FSTL5: variants seen among roughly 807,000 people sequenced by gnomAD.
FSTL5 encodes follistatin like 5, also known as follistatin-related protein 5.
FSTL5 carries 62 observed loss-of-function variants against 89.1 expected under a neutral mutation model. The observed-to-expected ratio is 0.70, with a 90% CI of 0.57 to 0.86. The LOEUF (loss-of-function observed/expected upper bound fraction) is 0.86, where lower values mean the gene tolerates loss of function less well. Among genes scored for constraint, FSTL5 ranks in the 40% least tolerant of loss-of-function variants. The pLI is 0.00. For synonymous variants in FSTL5, 383 were observed against 346.2 expected (o/e 1.11, Z -1.18); for missense variants, 1,057 against 1,001.6 (o/e 1.06, Z -0.75).
At chr4:161,490,201 A>G (rs1729817280) in intron 12 of FSTL5, among the ~76,000 whole-genome samples, 1 of 152,226 alleles carries the variant, frequency 6.6e-6, no homozygotes, top group Non-Finnish European at 1.5e-5. Context: ...ATCGAAAACA[A>G]ACTTTTAAGG....
At chr4:162,157,250 T>A (rs1472408201) in intron 1 of FSTL5, among the ~76,000 whole-genome samples, 1 of 152,150 alleles carries the variant, frequency 6.6e-6, no homozygotes, top group Non-Finnish European at 1.5e-5. Flanking sequence ...ATGTAATTTT[T>A]AAATATTTAT....
At chr4:161,838,832 C>A (rs1187704039) in intron 4 of FSTL5, among the ~76,000 whole-genome samples, 1 of 152,066 alleles carries the variant, frequency 6.6e-6, no homozygotes, top group African/African-American at 2.4e-5. Context: ...CCATGTTGAG[C>A]TGTAAAACAA....
At chr4:161,746,141 A>ATT (rs559786048) in intron 6 of FSTL5, among the ~76,000 whole-genome samples, 4 of 148,394 alleles carry the variant, frequency 2.7e-5, no homozygotes, top group African/African-American at 9.9e-5. Flanking sequence ...AGATAGTGTG[A>ATT]TTTTTTTTTT....
chr4:161,982,976 C>T (rs1352240207), intron 3 of FSTL5, among the ~76,000 whole-genome samples: 1 of 152,108 alleles, frequency 6.6e-6, no homozygotes, highest in African/African-American at 2.4e-5. Context: ...TATTCAAATC[C>T]AACCCACATG....
At chr4:161,392,720 A>T (rs1395128884) in intron 15 of FSTL5, among the ~76,000 whole-genome samples, 2 of 152,118 alleles carry the variant, frequency 1.3e-5, no homozygotes, top group Non-Finnish European at 2.9e-5. Context: ...AGCTTCCCTA[A>T]AGTCACTCAT....
chr4:161,671,730 G>T (rs1327120827), intron 6 of FSTL5, among the ~76,000 whole-genome samples: 1 of 152,060 alleles, frequency 6.6e-6, no homozygotes, highest in Non-Finnish European at 1.5e-5. Context: ...GACACAGGAT[G>T]AATTTCTACA....
chr4:161,603,332 G>C (rs1050387335), intron 7 of FSTL5, among the ~76,000 whole-genome samples: 1 of 152,122 alleles, frequency 6.6e-6, no homozygotes, highest in African/African-American at 2.4e-5. Context: ...GTGTGCAATA[G>C]CATTACGTTT....
chr4:161,436,444 C>T (rs1314842502), intron 15 of FSTL5, among the ~76,000 whole-genome samples: 1 of 152,094 alleles, frequency 6.6e-6, no homozygotes, highest in Non-Finnish European at 1.5e-5. Flanking sequence ...CAAACTATCC[C>T]TGGACATTTT....
At chr4:161,927,744 A>G (rs952782512) in intron 3 of FSTL5, among the ~76,000 whole-genome samples, 9 of 151,784 alleles carry the variant, frequency 5.9e-5, no homozygotes, top group African/African-American at 1.9e-4. Context: ...GATTTTCCAA[A>G]TATATTAAGC....
chr4:161,546,911 A>T (rs1732026964), intron 8 of FSTL5, among the ~76,000 whole-genome samples: 1 of 151,970 alleles, frequency 6.6e-6, no homozygotes, highest in African/African-American at 2.4e-5. Flanking sequence ...CACTTTACAC[A>T]TGGGACCTGT....
In FSTL5 at chr4:162,073,318, G is replaced by T. The variant is rs544835364; in HGVS notation, c.126+37953C>A. 2.6e-5 allele frequency among the ~76,000 whole-genome samples: 4 copies of T among 151,612 alleles called. No homozygotes were observed. In the Admixed American group the frequency reaches 2.6e-4, roughly 10 times the overall value. On this transcript the variant is annotated intron_variant, in intron 2 of 15. Coordinates refer to ENST00000306100, the MANE Select transcript of FSTL5 (RefSeq NM_020116.5). ...TACTATTTTGATTTAAAAAATAACT[G>T]CTTTTAAATTGACTAGTTTAGGAAA...
At chr4:161,794,801 T>C (rs1729580561) in intron 4 of FSTL5, among the ~76,000 whole-genome samples, 1 of 152,132 alleles carries the variant, frequency 6.6e-6, no homozygotes, top group African/African-American at 2.4e-5. Context: ...TTGTACTCAA[T>C]TAAGTTTTAA....
chr4:162,080,331 T>C (rs965581645), intron 2 of FSTL5, among the ~76,000 whole-genome samples: 5 of 151,630 alleles, frequency 3.3e-5, no homozygotes, highest in Non-Finnish European at 7.4e-5. Context: ...CTGATATGAA[T>C]AATTAAGCCT....
chr4:161,708,037 G>T (rs1284220318), intron 6 of FSTL5, among the ~76,000 whole-genome samples: 1 of 151,978 alleles, frequency 6.6e-6, no homozygotes, highest in Non-Finnish European at 1.5e-5. Context: ...TCTACTGAGT[G>T]CATGTATTAC....
intron 15 of FSTL5, among the ~76,000 whole-genome samples, chr4:161,398,083 GAT>G (rs1299308612): frequency 6.6e-6 from 1 of 151,956 alleles, no homozygotes; most frequent in Non-Finnish European, 1.5e-5. Context: ...AGGTTTTCTG[GAT>G]AACGATTTGG....
chr4:161,899,514 T>C (rs984583234), intron 4 of FSTL5, among the ~76,000 whole-genome samples: 3 of 152,242 alleles, frequency 2.0e-5, no homozygotes, highest in African/African-American at 7.2e-5. Flanking sequence ...ACAGTTCTTC[T>C]GCCAATCTTA....
chr4:161,396,945 G>T (rs565569533), intron 15 of FSTL5, among the ~76,000 whole-genome samples: 7 of 152,108 alleles, frequency 4.6e-5, no homozygotes, highest in Non-Finnish European at 1.0e-4. Flanking sequence ...GAACTAGGGA[G>T]TATAATGAAT....
chr4:161,672,740 A>G (rs1446981057), intron 6 of FSTL5, among the ~76,000 whole-genome samples: 1 of 145,220 alleles, frequency 6.9e-6, no homozygotes, highest in Non-Finnish European at 1.5e-5. Flanking sequence ...AAAAAAAAAA[A>G]GTAAGGTGTT....
chr4:161,825,537 G>A (rs1039169869), intron 4 of FSTL5, among the ~76,000 whole-genome samples: 1 of 151,700 alleles, frequency 6.6e-6, no homozygotes, highest in Non-Finnish European at 1.5e-5. Context: ...TTTTTGGTTG[G>A]CATTTTTTAT....
Sources: allele counts gnomAD v4.1 joint callset (sites outside exome capture counted in the v4.1 genomes callset), GRCh38; gene constraint gnomAD v4.1.1; transcripts MANE v1.5; gene names NCBI Gene and HGNC (gene_info 2026-07-23, HGNC 2026-07-21).